Variants in NFIA observed in about 807,000 individuals in gnomAD.
NFIA encodes nuclear factor 1 A-type.
Under a neutral mutation model 62.8 loss-of-function variants are expected in NFIA, and 8 were observed. The ratio of observed to expected loss-of-function variants is 0.13; its 90% CI spans 0.07 to 0.23. NFIA has a LOEUF of 0.23. Among genes scored for constraint, NFIA ranks in the 10% least tolerant of loss-of-function variants. NFIA has a pLI of 1.00. For missense variants in NFIA, 410 were observed against 642.1 expected (o/e 0.64, Z 3.91); for synonymous variants, 235 against 238.1 (o/e 0.99, Z 0.12).
chr1:61,335,022 G>A (rs1661526016), intron 4 of NFIA, among the ~76,000 whole-genome samples: 1 of 152,230 alleles, frequency 6.6e-6, no homozygotes, highest in African/African-American at 2.4e-5. Flanking sequence ...CAGGGATTGA[G>A]TTTGCAGAGG....
chr1:61,406,543 G>GGGGGGCCCC lies in NFIA; in HGVS notation c.1255-19_1255-18insGGGGGCCCC. 2 of 876,652 alleles carry GGGGGGCCCC rather than the reference G, an allele frequency of 2.3e-6. No individual in the cohort carries two copies. Among genetic ancestry groups the GGGGGGCCCC allele is most frequent in the Non-Finnish European group, 3.1e-6 (2 of 653,742 alleles). The allele number at this position is 876,652 out of a possible 1,614,324, so 54.3% of individuals were successfully genotyped here. On this transcript the variant is annotated intron_variant, in intron 8 of 10. Transcript: ENST00000403491. ...TCTTTTTCTTGTACGTGTGTTTTCTGCCCCCCCCCCCCCCACAGCCCAATG... is the reference window on the plus strand; with the variant it reads ...TCTTTTTCTTGTACGTGTGTTTTCTGGGGGGCCCCCCCCCCCCCCCCCCACAGCCCAATG...
intron 4 of NFIA, among the ~76,000 whole-genome samples, chr1:61,347,165 CTTTTTTTT>C (rs869046737): frequency 1.4e-5 from 1 of 70,110 alleles, no homozygotes; most frequent in Non-Finnish European, 2.4e-5. Flanking sequence ...CTGGATCCCA[CTTTTTTTT>C]TTTTTTTTTT....
chr1:61,254,293 C>T (rs1656237917), intron 2 of NFIA, among the ~76,000 whole-genome samples: 2 of 152,214 alleles, frequency 1.3e-5, no homozygotes, highest in South Asian at 4.1e-4. Flanking sequence ...ACTTTTTAAA[C>T]AGCTCCCTGC....
At chr1:61,423,310 A>C (rs1666720316) in intron 9 of NFIA, among the ~76,000 whole-genome samples, 1 of 151,694 alleles carries the variant, frequency 6.6e-6, no homozygotes, top group Non-Finnish European at 1.5e-5. Flanking sequence ...GATTTCTAAT[A>C]GTCATGTTTG....
intron 2 of NFIA, among the ~76,000 whole-genome samples, chr1:61,243,913 C>A (rs977528717): frequency 6.6e-6 from 1 of 152,150 alleles, no homozygotes; most frequent in Non-Finnish European, 1.5e-5. Flanking sequence ...CTGCAGAAAT[C>A]TTTTCTTTAG....
chr1:61,358,597 G>A (rs1217322316), intron 5 of NFIA, among the ~76,000 whole-genome samples: 1 of 151,920 alleles, frequency 6.6e-6, no homozygotes. Context: ...TGTTGGCCAG[G>A]ATGGTCTCAA....
chr1:61,314,821 G>C (rs1401449592), intron 3 of NFIA, among the ~76,000 whole-genome samples: 2 of 152,178 alleles, frequency 1.3e-5, no homozygotes, highest in Admixed American at 1.3e-4. Flanking sequence ...GGTGACATTT[G>C]AACTGGATCT....
At chr1:61,094,644 TG>T (rs1646380456) in intron 2 of NFIA, among the ~76,000 whole-genome samples, 1 of 152,222 alleles carries the variant, frequency 6.6e-6, no homozygotes, top group African/African-American at 2.4e-5. Context: ...GTCAAATTTT[TG>T]GCTCTTTCCC....
chr1:61,115,361 C>G (rs1170504581), intron 2 of NFIA, among the ~76,000 whole-genome samples: 1 of 152,206 alleles, frequency 6.6e-6, no homozygotes, highest in African/African-American at 2.4e-5. Flanking sequence ...AAACAGGAAG[C>G]TGGGCTTCCC....
intron 3 of NFIA, among the ~76,000 whole-genome samples, chr1:61,298,258 G>C (rs1378561202): frequency 6.6e-6 from 1 of 152,118 alleles, no homozygotes; most frequent in African/African-American, 2.4e-5. Context: ...GCCTGCCACC[G>C]TGTAAGATGT....
At chr1:61,083,299 G>A (rs1316612159) in intron 1 of NFIA, among the ~76,000 whole-genome samples, 1 of 152,264 alleles carries the variant, frequency 6.6e-6, no homozygotes, top group East Asian at 1.9e-4. Flanking sequence ...CGCTCGGGCC[G>A]GCTGCAGTCC....
At chr1:61,139,534 C>T (rs1008250867) in intron 2 of NFIA, among the ~76,000 whole-genome samples, 2 of 152,150 alleles carry the variant, frequency 1.3e-5, no homozygotes, top group Non-Finnish European at 2.9e-5. Flanking sequence ...GGTAACTTTG[C>T]CGAAAGCTAG....
rs189318324 is a variant in NFIA, at chr1:61,441,772, C to T, written c.1513-13531C>T. The stretch of plus-strand genomic sequence containing the variant: ...TATCTAGATAGTGCTGAATATTGCT[C>T]TTTGTTACATCATTACCATTTAGCT... On this transcript the variant is annotated intron_variant, in intron 10 of 10. Coordinates refer to ENST00000403491, the MANE Select transcript of NFIA (RefSeq NM_001134673.4). 3.3e-5 allele frequency among the ~76,000 whole-genome samples: 5 copies of T among 152,184 alleles called. No homozygotes were observed. The East Asian group carries it at 5.8e-4, about 18-fold the overall frequency.
intron 7 of NFIA, among the ~76,000 whole-genome samples, chr1:61,387,478 T>TTTTTGTTTG (rs1553180856): frequency 3.5e-5 from 5 of 142,810 alleles, no homozygotes; most frequent in African/African-American, 1.3e-4. Context: ...CTTTTTTTTT[T>TTTTTGTTTG]TTTTTTTTTT....
At chr1:61,133,038 G>A (rs1047802211) in intron 2 of NFIA, 1 of 152,182 alleles carries the variant, frequency 6.6e-6, no homozygotes, top group African/African-American at 2.4e-5. Flanking sequence ...AGATGTCCAT[G>A]TGCATTCTTT....
chr1:61,215,065 A>C (rs988028425), intron 2 of NFIA, among the ~76,000 whole-genome samples: 6 of 152,210 alleles, frequency 3.9e-5, no homozygotes, highest in Admixed American at 3.9e-4. Context: ...ATTTGTTAAA[A>C]TGCACATTTC....
chr1:61,250,947 C>CTGTTTTGT (rs1456711709), intron 2 of NFIA: 3 of 152,116 alleles, frequency 2.0e-5, no homozygotes, highest in Admixed American at 1.3e-4. Flanking sequence ...CTCTTTCTTA[C>CTGTTTTGT]TGTTTTGTTT....
At chr1:61,394,294 C>T (rs545040558) in intron 7 of NFIA, among the ~76,000 whole-genome samples, 7 of 152,284 alleles carry the variant, frequency 4.6e-5, no homozygotes, top group Non-Finnish European at 7.4e-5. Context: ...CTACCTCAGC[C>T]TCCTGAGTGT....
At chr1:61,128,919 T>TG (rs1647024364) in intron 2 of NFIA, among the ~76,000 whole-genome samples, 1 of 123,932 alleles carries the variant, frequency 8.1e-6, no homozygotes, top group South Asian at 3.0e-4. Flanking sequence ...ACTTATGTTT[T>TG]TTTTTTTTTT....
Sources: allele counts gnomAD v4.1 joint callset (sites outside exome capture counted in the v4.1 genomes callset), GRCh38; gene constraint gnomAD v4.1.1; transcripts MANE v1.5; gene names NCBI Gene and HGNC (gene_info 2026-07-23, HGNC 2026-07-21).